RAB7A: variants seen among roughly 807,000 people sequenced by gnomAD.
RAB7A encodes the protein ras-related protein Rab-7a.
Under a neutral mutation model 24.5 loss-of-function variants are expected in RAB7A, and 2 were observed. The observed-to-expected ratio is 0.08, with a 90% confidence interval of 0.03 to 0.26. The LOEUF is 0.26. RAB7A is among the 10% of genes least tolerant of loss of function. The pLI is 1.00. For missense variants in RAB7A, 118 were observed against 255.7 expected (o/e 0.46, Z 3.67); for synonymous variants, 100 against 95.9 (o/e 1.04, Z -0.25).
rs1423871042 is a variant in RAB7A, at chr3:128,768,832, T to G, written c.-8-26528T>G. Among the ~76,000 whole-genome samples, 3 of 151,876 alleles carry G rather than the reference T, an allele frequency of 2.0e-5. No homozygotes were observed. The East Asian group carries it at 5.8e-4, about 29-fold the overall frequency. Reference sequence around the variant, plus strand: ...CCTTAGCTTCCCAAAGTACTGGGATTACAGGCGTGAGACACTGCGCCCAGC... The same window carrying G: ...CCTTAGCTTCCCAAAGTACTGGGATGACAGGCGTGAGACACTGCGCCCAGC... On this transcript the variant is annotated intron_variant, in intron 1 of 5. Transcript: ENST00000265062.
intron 1 of RAB7A, among the ~76,000 whole-genome samples, chr3:128,739,174 T>G (rs1352940441): frequency 1.3e-5 from 2 of 152,164 alleles, no homozygotes; most frequent in African/African-American, 4.8e-5. Context: ...AGATTTTTCT[T>G]TAAAATGTGT....
chr3:128,801,103 G>C (rs1047397123), intron 3 of RAB7A, among the ~76,000 whole-genome samples: 5 of 152,146 alleles, frequency 3.3e-5, no homozygotes, highest in African/African-American at 1.2e-4. Context: ...AGTGTTTTTT[G>C]TATTTAAAGA....
intron 1 of RAB7A, among the ~76,000 whole-genome samples, chr3:128,775,517 A>G (rs1186189053): frequency 6.6e-6 from 1 of 152,198 alleles, no homozygotes; most frequent in Non-Finnish European, 1.5e-5. Flanking sequence ...GGATGGTGGT[A>G]GAGGTTAAGT....
intron 5 of RAB7A, 106 bp downstream of exon 5, chr3:128,807,777 T>A: frequency 6.6e-7 from 1 of 1,513,112 alleles, no homozygotes; most frequent in Non-Finnish European, 9.1e-7. Flanking sequence ...CACTCTTTTC[T>A]GTATAGCCAG....
At chr3:128,726,605 G>A (rs901202288) in intron 1 of RAB7A, among the ~76,000 whole-genome samples, 1 of 152,166 alleles carries the variant, frequency 6.6e-6, no homozygotes, top group African/African-American at 2.4e-5. Context: ...CGTCTCGGAC[G>A]CTCTGTTTAC....
intron 1 of RAB7A, among the ~76,000 whole-genome samples, chr3:128,768,710 C>CA (rs2070855527): frequency 6.6e-6 from 1 of 151,208 alleles, no homozygotes; most frequent in Non-Finnish European, 1.5e-5. Flanking sequence ...GGGCACATGC[C>CA]ACCACACCTG....
chr3:128,797,584 C>T (rs568484488), intron 2 of RAB7A, among the ~76,000 whole-genome samples: 1 of 152,302 alleles, frequency 6.6e-6, no homozygotes, highest in East Asian at 1.9e-4. Flanking sequence ...AGCAGGGATA[C>T]TGTTGGAATA....
chr3:128,742,765 T>G (rs547967403), intron 1 of RAB7A, among the ~76,000 whole-genome samples: 1 of 151,340 alleles, frequency 6.6e-6, no homozygotes, highest in Non-Finnish European at 1.5e-5. Flanking sequence ...CCCACTAGAT[T>G]AGCTAGACAC....
chr3:128,764,415 C>G, intron 1 of RAB7A: 1 of 728,874 alleles, frequency 1.4e-6, no homozygotes, highest in Non-Finnish European at 2.5e-6. Context: ...CATGCACTGC[C>G]TTAGTGACCA....
chr3:128,805,734 C>G (rs145843561), intron 3 of RAB7A, among the ~76,000 whole-genome samples: 1,827 of 152,212 alleles, frequency 0.012, 33 homozygotes, highest in African/African-American at 0.039. Flanking sequence ...CTCACCGCAA[C>G]CTGCGCCTCC....
chr3:128,806,046 C>T (rs912699580), intron 3 of RAB7A, among the ~76,000 whole-genome samples: 1 of 152,274 alleles, frequency 6.6e-6, no homozygotes, highest in East Asian at 1.9e-4. Context: ...AGAAAGTTCC[C>T]AGAGTACCTA....
intron 5 of RAB7A, among the ~76,000 whole-genome samples, chr3:128,808,471 A>T (rs1933851161): frequency 6.6e-6 from 1 of 152,122 alleles, no homozygotes; most frequent in Non-Finnish European, 1.5e-5. Context: ...AATGAGACAG[A>T]CTCTTCCAGC....
At chr3:128,793,058 C>A (rs1243478698) in intron 1 of RAB7A, among the ~76,000 whole-genome samples, 1 of 151,868 alleles carries the variant, frequency 6.6e-6, no homozygotes, top group Non-Finnish European at 1.5e-5. Flanking sequence ...GAGTCTCGCT[C>A]TGTCGCCTAG....
At chr3:128,777,371 C>A (rs1225036985) in intron 1 of RAB7A, among the ~76,000 whole-genome samples, 2 of 151,928 alleles carry the variant, frequency 1.3e-5, no homozygotes, top group Non-Finnish European at 2.9e-5. Context: ...GGTTTTCTTT[C>A]TTTTGTTTTC....
chr3:128,802,505 G>T (rs1274132069), intron 3 of RAB7A, among the ~76,000 whole-genome samples: 1 of 152,098 alleles, frequency 6.6e-6, no homozygotes, highest in African/African-American at 2.4e-5. Flanking sequence ...ATTTATGTAT[G>T]TATGTATTTA....
chr3:128,809,151 C>G (rs1933865203), intron 5 of RAB7A, among the ~76,000 whole-genome samples: 1 of 152,236 alleles, frequency 6.6e-6, no homozygotes, highest in Non-Finnish European at 1.5e-5. Flanking sequence ...CTGAGTTTTT[C>G]TCTTCCATCA....
chr3:128,770,075 T>TAGTA (rs982956791), intron 1 of RAB7A, among the ~76,000 whole-genome samples: 2 of 151,948 alleles, frequency 1.3e-5, no homozygotes, highest in Admixed American at 6.6e-5. Flanking sequence ...CGATCTCGGC[T>TAGTA]TACTGCAACC....
At chr3:128,768,969 C>CTTTTTTTTTTTTTTTTTTTTT in intron 1 of RAB7A, among the ~76,000 whole-genome samples, 1 of 72,606 alleles carries the variant, frequency 1.4e-5, no homozygotes, top group Non-Finnish European at 2.4e-5. Flanking sequence ...TCTTTCTTTC[C>CTTTTTTTTTTTTTTTTTTTTT]TTTTTTTTTT....
At chr3:128,739,512 C>CAA (rs766598892) in intron 1 of RAB7A, among the ~76,000 whole-genome samples, 2 of 121,008 alleles carry the variant, frequency 1.7e-5, no homozygotes, top group Non-Finnish European at 1.8e-5. Context: ...GACTTCATCT[C>CAA]AAAAAAAAAA....
Sources: gnomAD v4.1 joint callset for allele counts (sites outside exome capture counted in the v4.1 genomes callset) on GRCh38, gnomAD v4.1.1 for gene constraint, MANE v1.5 for transcripts, NCBI Gene and HGNC (gene_info 2026-07-23, HGNC 2026-07-21) for gene names.